ARHGAP10: variants seen among roughly 807,000 people sequenced by gnomAD.
ARHGAP10 encodes the protein rho GTPase-activating protein 10.
In ARHGAP10, 87 loss-of-function variants were observed where a neutral mutation model predicts 108.6. The observed-to-expected ratio is 0.80, with a 90% confidence interval of 0.67 to 0.96. The LOEUF (loss-of-function observed/expected upper bound fraction) is 0.96. Among genes scored for constraint, ARHGAP10 ranks in the 40% least tolerant of loss-of-function variants. The pLI is 0.00. For missense variants in ARHGAP10, 939 were observed against 954.5 expected, an observed-to-expected ratio of 0.98 and a Z score of 0.21; for synonymous variants, 347 against 341.1, an observed-to-expected ratio of 1.02 and a Z score of -0.19.
intron 3 of ARHGAP10, among the ~76,000 whole-genome samples, chr4:147,836,226 T>C (rs17023955): frequency 0.016 from 2,434 of 152,318 alleles, 64 homozygotes; most frequent in African/African-American, 0.055. Flanking sequence ...TGGTGATACA[T>C]TGACCTTTTT....
chr4:147,902,633 C>T (rs112499570), intron 10 of ARHGAP10, among the ~76,000 whole-genome samples: 4,835 of 151,930 alleles, frequency 0.032, 184 homozygotes, highest in African/African-American at 0.093. Flanking sequence ...TCCCAGTTAC[C>T]CAGAGGCTGA....
chr4:148,036,001 A>T (rs539447859), intron 19 of ARHGAP10, among the ~76,000 whole-genome samples: 2 of 151,854 alleles, frequency 1.3e-5, no homozygotes, highest in East Asian at 3.9e-4. Flanking sequence ...TTTCATTTTA[A>T]TGTCAAACTT....
intron 3 of ARHGAP10, among the ~76,000 whole-genome samples, chr4:147,827,387 A>T (rs1432126134): frequency 6.6e-6 from 1 of 152,252 alleles, no homozygotes; most frequent in Non-Finnish European, 1.5e-5. Flanking sequence ...AGTGCTTCAG[A>T]CAAGGAATGG....
intron 16 of ARHGAP10, among the ~76,000 whole-genome samples, chr4:147,959,275 A>T (rs1269559740): frequency 6.6e-6 from 1 of 152,080 alleles, no homozygotes; most frequent in East Asian, 1.9e-4. Flanking sequence ...AAGACTTGGC[A>T]GAAATGGATG....
chr4:147,737,243 C>T (rs951320901), intron 1 of ARHGAP10, among the ~76,000 whole-genome samples: 5 of 151,986 alleles, frequency 3.3e-5, no homozygotes, highest in Admixed American at 6.6e-5. Flanking sequence ...CTCCGTCTCC[C>T]GGGTTCAAGT....
intron 13 of ARHGAP10, among the ~76,000 whole-genome samples, chr4:147,918,984 CATTTTTCCTCTTCTACTAA>C (rs1174138094): frequency 6.6e-6 from 1 of 152,206 alleles, no homozygotes; most frequent in Non-Finnish European, 1.5e-5. Context: ...AGATTGGACT[CATTTTTCCTCTTCTACTAA>C]ATTCTCTTCT....
chr4:148,001,700 T>C (rs1314113676), intron 18 of ARHGAP10, among the ~76,000 whole-genome samples: 1 of 151,998 alleles, frequency 6.6e-6, no homozygotes, highest in Non-Finnish European at 1.5e-5. Flanking sequence ...TCACTCATGA[T>C]TTGGCTCTCT....
At chr4:147,754,327 C>T (rs183659440) in intron 1 of ARHGAP10, among the ~76,000 whole-genome samples, 1 of 152,304 alleles carries the variant, frequency 6.6e-6, no homozygotes, top group Non-Finnish European at 1.5e-5. Context: ...TGTAGTTCCT[C>T]TTGCAAATTC....
chr4:148,072,190 A>C lies in ARHGAP10; in HGVS notation c.*109A>C. 9 of 722,324 alleles carry C rather than the reference A, an allele frequency of 1.2e-5. No homozygotes were observed. The highest frequency in any genetic ancestry group is 4.2e-5 in the East Asian group (1 of 23,826). The allele number at this position is 722,324 out of a possible 1,614,324, so 44.7% of individuals were successfully genotyped here. Reference sequence around the variant, plus strand: ...GGGCTGCACCCACAGGTACCTCCACACTTGGGAGTTACCATCATCACAGTC... The same window carrying C: ...GGGCTGCACCCACAGGTACCTCCACCCTTGGGAGTTACCATCATCACAGTC... On this transcript the variant is annotated 3_prime_UTR_variant, in exon 23 of 23. Coordinates refer to ENST00000336498, the MANE Select transcript of ARHGAP10 (RefSeq NM_024605.4).
intron 9 of ARHGAP10, among the ~76,000 whole-genome samples, chr4:147,881,297 G>T (rs1460953895): frequency 6.6e-6 from 1 of 150,414 alleles, no homozygotes; most frequent in Non-Finnish European, 1.5e-5. Flanking sequence ...CATTGGTATT[G>T]TCTGGCATAA....
intron 13 of ARHGAP10, among the ~76,000 whole-genome samples, chr4:147,935,940 C>T (rs1016323018): frequency 2.0e-5 from 3 of 152,172 alleles, no homozygotes; most frequent in African/African-American, 7.2e-5. Flanking sequence ...TGAATTTGAA[C>T]TTGATCAATT....
At chr4:147,783,828 GTAT>G (rs1016982787) in intron 1 of ARHGAP10, among the ~76,000 whole-genome samples, 1 of 99,758 alleles carries the variant, frequency 1.0e-5, no homozygotes, top group African/African-American at 4.0e-5. Flanking sequence ...ATTAAATTGT[GTAT>G]TATATTTATA....
intron 1 of ARHGAP10, among the ~76,000 whole-genome samples, chr4:147,813,616 G>A (rs1732119022): frequency 1.3e-5 from 2 of 152,208 alleles, no homozygotes; most frequent in South Asian, 4.1e-4. Flanking sequence ...TAGAAGAGAA[G>A]ATGTGACAAT....
chr4:147,951,342 C>T (rs1738590460), intron 15 of ARHGAP10, among the ~76,000 whole-genome samples: 1 of 151,574 alleles, frequency 6.6e-6, no homozygotes. Flanking sequence ...TGAAACAAAC[C>T]CCCTAAAGAC....
chr4:148,068,376 A>T (rs1560902573), intron 22 of ARHGAP10, among the ~76,000 whole-genome samples: 1 of 152,190 alleles, frequency 6.6e-6, no homozygotes. Flanking sequence ...AAGGTCTCAG[A>T]TAGACACAGA....
chr4:148,066,923 G>A (rs540996210), intron 22 of ARHGAP10, among the ~76,000 whole-genome samples: 4 of 152,306 alleles, frequency 2.6e-5, no homozygotes, highest in East Asian at 1.9e-4. Context: ...TGCCATAGAC[G>A]AGGCTACGCT....
intron 18 of ARHGAP10, among the ~76,000 whole-genome samples, chr4:148,012,149 G>T (rs1244809573): frequency 1.3e-5 from 2 of 152,140 alleles, no homozygotes; most frequent in Non-Finnish European, 2.9e-5. Context: ...TCTCCTTTCA[G>T]TTAAGGGGAT....
chr4:147,996,071 A>G (rs1439751699), intron 18 of ARHGAP10, among the ~76,000 whole-genome samples: 1 of 152,168 alleles, frequency 6.6e-6, no homozygotes, highest in East Asian at 1.9e-4. Context: ...TGTATGTGTG[A>G]AATACTCAAA....
intron 1 of ARHGAP10, among the ~76,000 whole-genome samples, chr4:147,757,294 A>G (rs1055929198): frequency 5.4e-5 from 8 of 147,720 alleles, no homozygotes; most frequent in African/African-American, 2.0e-4. Flanking sequence ...TCCCGTGTTC[A>G]AGCAATTCCC....
Sources: gnomAD v4.1 joint callset for allele counts (sites outside exome capture counted in the v4.1 genomes callset) on GRCh38, gnomAD v4.1.1 for gene constraint, MANE v1.5 for transcripts, NCBI Gene and HGNC (gene_info 2026-07-23, HGNC 2026-07-21) for gene names.